STON1: variants seen among roughly 807,000 people sequenced by gnomAD.
STON1 encodes the protein stonin-1.
STON1 carries 79 observed loss-of-function variants against 60.9 expected under a neutral mutation model. That is an observed-to-expected ratio of 1.30 (90% confidence interval 1.08 to 1.56). The LOEUF (loss-of-function observed/expected upper bound fraction) is 1.56, where lower values mean the gene tolerates loss of function less well. Ranked by LOEUF, STON1 falls within the 40% of genes most tolerant of loss-of-function variation. The pLI, the probability that STON1 is intolerant of heterozygous loss-of-function variation, is 0.00. For missense variants in STON1, 1,166 were observed against 858.9 expected, an observed-to-expected ratio of 1.36 and a Z score of -4.47; for synonymous variants, 363 against 306.9, an observed-to-expected ratio of 1.18 and a Z score of -1.91.
intron 3 of STON1, among the ~76,000 whole-genome samples, chr2:48,592,222 G>A (rs1674562210): frequency 6.6e-6 from 1 of 152,110 alleles, no homozygotes; most frequent in African/African-American, 2.4e-5. Context: ...GGGGAATGCC[G>A]TATACTAAAT....
chr2:48,572,957 G>C (rs1206831130), intron 1 of STON1, among the ~76,000 whole-genome samples: 1 of 152,328 alleles, frequency 6.6e-6, no homozygotes, highest in Middle Eastern at 3.4e-3. Context: ...GCTGCCCTCC[G>C]CTGTGTGTTT....
At position 48,581,531 on chromosome 2, in the gene STON1, A is replaced by G. The variant is rs1673885960; in HGVS notation, c.898A>G (p.Lys300Glu). ...CCGGCAATGGGGACCAATTTTTCTG[A>G]AAGTTTTGCCTGGAGGAATTTTGCA... is the stretch of plus-strand genomic sequence containing the variant. The part of the protein sequence containing the change: ...SSRQWGPIFL[K>E]VLPGGILQMY... The change falls in exon 2 of 4, where the codon AAA becomes GAA. Residue 300 changes from lysine to glutamate, a missense_variant. Lys to Glu is a moderately conservative substitution (Grantham distance 56). Transcript: ENST00000404752. The G allele has an allele frequency of 1.9e-6, 3 of 1,614,222 alleles. No individual in the cohort carries two copies. The highest frequency in any genetic ancestry group is 1.1e-5 in the South Asian group (1 of 91,084).
chr2:48,547,133 C>A (rs1172860154), intron 1 of STON1, among the ~76,000 whole-genome samples: 1 of 152,172 alleles, frequency 6.6e-6, no homozygotes, highest in African/African-American at 2.4e-5. Context: ...GATTAGAGCT[C>A]ATGTTTATCT....
Position 48,595,385 on chromosome 2 carries a change from G to A in STON1, c.*83G>A, listed in dbSNP as rs1558656482. The A allele has an allele frequency of 2.4e-6, 3 of 1,255,152 alleles. No individual in the cohort carries two copies. The East Asian group carries it at 7.3e-5, about 31-fold the overall frequency. 77.8% of individuals were successfully genotyped at this position (1,255,152 alleles called of 1,614,324 possible). Reference sequence around the variant, plus strand: ...ACACCAAGTCCTGCTACTGTAGAGTGGAAATGACTTCTGAATAGCGGTTTT... The same window carrying A: ...ACACCAAGTCCTGCTACTGTAGAGTAGAAATGACTTCTGAATAGCGGTTTT... On this transcript the variant is annotated 3_prime_UTR_variant, in exon 4 of 4. Coordinates refer to ENST00000404752, the MANE Select transcript of STON1 (RefSeq NM_006873.4).
intron 1 of STON1, among the ~76,000 whole-genome samples, chr2:48,553,149 T>C (rs1672170790): frequency 6.6e-6 from 1 of 152,142 alleles, no homozygotes; most frequent in Non-Finnish European, 1.5e-5. Flanking sequence ...CTACATTGTA[T>C]GGTCAGAGCA....
At chr2:48,563,529 C>G (rs904219231) in intron 1 of STON1, among the ~76,000 whole-genome samples, 4 of 152,148 alleles carry the variant, frequency 2.6e-5, no homozygotes, top group South Asian at 2.1e-4. Context: ...GAGCCAGTAC[C>G]CATGGTCATA....
intron 1 of STON1, among the ~76,000 whole-genome samples, chr2:48,571,921 T>C (rs956077268): frequency 1.3e-5 from 2 of 152,118 alleles, no homozygotes; most frequent in Non-Finnish European, 2.9e-5. Flanking sequence ...TCCCAGCACT[T>C]TGGGAGGCCA....
intron 2 of STON1, among the ~76,000 whole-genome samples, chr2:48,591,083 G>C (rs1674487447): frequency 6.6e-6 from 1 of 151,632 alleles, no homozygotes; most frequent in South Asian, 2.1e-4. Context: ...GGCTTGTACA[G>C]GTCTTGAGCA....
intron 1 of STON1, among the ~76,000 whole-genome samples, chr2:48,548,710 G>GTAGTTCA (rs1383707658): frequency 3.3e-5 from 5 of 152,018 alleles, no homozygotes; most frequent in African/African-American, 9.7e-5. Flanking sequence ...ATGTTGCCCA[G>GTAGTTCA]GCTGGTCTTG....
chr2:48,546,477 C>T (rs1038124682), intron 1 of STON1, among the ~76,000 whole-genome samples: 1 of 152,318 alleles, frequency 6.6e-6, no homozygotes, highest in African/African-American at 2.4e-5. Flanking sequence ...TCTCCAGGAC[C>T]TGCATCTTTG....
chr2:48,540,634 A>G (rs1671614596), intron 1 of STON1, among the ~76,000 whole-genome samples: 1 of 152,220 alleles, frequency 6.6e-6, no homozygotes, highest in Non-Finnish European at 1.5e-5. Flanking sequence ...AGTAAACCTA[A>G]GTAACTTTCC....
intron 3 of STON1, 30 bp downstream of exon 3, chr2:48,591,885 C>T: frequency 3.7e-6 from 6 of 1,607,164 alleles, no homozygotes; most frequent in Non-Finnish European, 5.1e-6. Flanking sequence ...GAACTGTGAC[C>T]TGATTTGGCT....
chr2:48,582,596 G>C, intron 2 of STON1, 33 bp downstream of exon 2: 6 of 1,584,272 alleles, frequency 3.8e-6, no homozygotes, highest in Non-Finnish European at 5.1e-6. Flanking sequence ...TTATTTTCAT[G>C]GGAAATAGCT....
At position 48,595,393 on chromosome 2, in the gene STON1, C is replaced by T; in HGVS notation, c.*91C>T. The T allele has an allele frequency of 8.6e-7, 1 of 1,167,886 alleles. No individual in the cohort carries two copies. Among genetic ancestry groups the T allele is most frequent in the Non-Finnish European group, 1.3e-6 (1 of 795,738 alleles). 72.3% of individuals were successfully genotyped at this position (1,167,886 alleles called of 1,614,324 possible). ...TCCTGCTACTGTAGAGTGGAAATGACTTCTGAATAGCGGTTTTAGGACAGG... is the reference window on the plus strand; with the variant it reads ...TCCTGCTACTGTAGAGTGGAAATGATTTCTGAATAGCGGTTTTAGGACAGG... On this transcript the variant is annotated 3_prime_UTR_variant, in exon 4 of 4. Coordinates refer to ENST00000404752, the MANE Select transcript of STON1 (RefSeq NM_006873.4).
At chr2:48,587,899 C>T (rs759733626) in intron 2 of STON1, among the ~76,000 whole-genome samples, 1 of 152,168 alleles carries the variant, frequency 6.6e-6, no homozygotes, top group Non-Finnish European at 1.5e-5. Context: ...AGCTGTGGGC[C>T]TGGCTTGGGG....
Position 48,595,520 on chromosome 2 carries a change from T to C in STON1, c.*218T>C. The C allele has an allele frequency of 2.0e-6, 1 of 492,762 alleles. No homozygotes were observed. Among genetic ancestry groups the C allele is most frequent in the Non-Finnish European group, 3.6e-6 (1 of 279,064 alleles). The allele number at this position is 492,762 out of a possible 1,614,324, so 30.5% of individuals were successfully genotyped here. A position where few individuals can be genotyped will look rare whatever the true frequency, so the allele number is the denominator to read the frequency against. On this transcript the variant is annotated 3_prime_UTR_variant, in exon 4 of 4. Transcript: ENST00000404752. ...CTAGGGGTTCGATCTAAAATGTTTC[T>C]ATAATTCGTGTGATGTTTTGCTTCC...
intron 1 of STON1, among the ~76,000 whole-genome samples, chr2:48,578,142 T>A (rs925956524): frequency 1.3e-4 from 19 of 151,936 alleles, no homozygotes; most frequent in Non-Finnish European, 2.5e-4. Context: ...GCCTGGCTAA[T>A]TTTTTTGTAT....
At chr2:48,546,178 T>G (rs550389349) in intron 1 of STON1, among the ~76,000 whole-genome samples, 1 of 152,206 alleles carries the variant, frequency 6.6e-6, no homozygotes, top group Non-Finnish European at 1.5e-5. Context: ...GATTTGACCC[T>G]GTTTATTGTC....
chr2:48,549,656 A>G (rs1345184013), intron 1 of STON1, among the ~76,000 whole-genome samples: 4 of 151,918 alleles, frequency 2.6e-5, no homozygotes, highest in Non-Finnish European at 5.9e-5. Context: ...TACTAAAAAT[A>G]CAAAAATTAC....
Sources: allele counts gnomAD v4.1 joint callset (sites outside exome capture counted in the v4.1 genomes callset), GRCh38; gene constraint gnomAD v4.1.1; transcripts MANE v1.5; gene names NCBI Gene and HGNC (gene_info 2026-07-23, HGNC 2026-07-21).